The following ACACB variants were observed in gnomAD, a reference collection of about 807,000 sequenced individuals.
ACACB encodes acetyl-CoA carboxylase beta.
Under a neutral mutation model 278.8 loss-of-function variants are expected in ACACB, and 209 were observed. That is an observed-to-expected ratio of 0.75 (90% CI 0.67 to 0.84). The LOEUF (loss-of-function observed/expected upper bound fraction) is 0.84. ACACB is among the 40% of genes least tolerant of loss of function. ACACB has a pLI of 0.00. For synonymous variants in ACACB, 1,174 were observed against 1,285.6 expected (o/e 0.91, Z 1.86); for missense variants, 2,850 against 3,269.0 (o/e 0.87, Z 3.13).
intron 17 of ACACB, 152 bp downstream of exon 17, chr12:109,197,305 T>A: frequency 9.9e-7 from 1 of 1,014,340 alleles, no homozygotes; most frequent in Non-Finnish European, 1.4e-6. Context: ...GAAGTTAATC[T>A]CTTGGTTGGA....
At chr12:109,232,889 C>A in intron 29 of ACACB, 83 bp downstream of exon 29, 1 of 1,541,148 alleles carries the variant, frequency 6.5e-7, no homozygotes, top group South Asian at 1.2e-5. Context: ...ATTCACTGGA[C>A]AGATGGGGTG....
chr12:109,222,740 C>CTCTGCCT, intron 25 of ACACB, 59 bp from the exon 26 acceptor site: 2 of 1,559,102 alleles, frequency 1.3e-6, no homozygotes, highest in Non-Finnish European at 1.8e-6. Context: ...GTGCCCGAGC[C>CTCTGCCT]TCTGCCTTCT....
At chr12:109,200,915 C>T (rs560097972) in intron 18 of ACACB, among the ~76,000 whole-genome samples, 48 of 152,250 alleles carry the variant, frequency 3.2e-4, no homozygotes, top group African/African-American at 1.1e-3. Context: ...AACTGAGGCT[C>T]AAGGAGGGGA....
rs778724015 is a variant in ACACB at position 109,265,856 on chromosome 12, C to T, written c.7250+331C>T. ...CAGAACCCACATTTGGAACCGCTAG[C>T]CTTCAGGCTGCTGTCTTCCACGCCA... is the stretch of plus-strand genomic sequence containing the variant. On this transcript the variant is annotated intron_variant, in intron 52 of 52. Transcript: ENST00000338432. 1.3e-3 allele frequency among the ~76,000 whole-genome samples: 192 copies of T among 152,390 alleles called. 1 individual carries two copies. Among genetic ancestry groups the T allele is most frequent in the African/African-American group, 4.2e-3 (173 of 41,598 alleles).
At chr12:109,238,728 G>C (rs2046710980) in intron 34 of ACACB, among the ~76,000 whole-genome samples, 1 of 151,418 alleles carries the variant, frequency 6.6e-6, no homozygotes, top group African/African-American at 2.4e-5. Context: ...ACCATGCCCA[G>C]CTAATTTTGT....
intron 1 of ACACB, among the ~76,000 whole-genome samples, chr12:109,129,337 T>C (rs2042763135): frequency 6.6e-6 from 1 of 152,140 alleles, no homozygotes; most frequent in Non-Finnish European, 1.5e-5. Flanking sequence ...TTTTCTCGCC[T>C]GTGAAAGGAG....
rs558282480 is a variant in ACACB, at chr12:109,196,885, C to T, written c.2482-123C>T. On this transcript the variant is annotated intron_variant, in intron 16 of 52. Transcript: ENST00000338432. ...AATTGTGAGGGCTGGGTCCGAGAGA[C>T]GGGGGTGTTCATCTTGGCCCTCTGT... is the stretch of plus-strand genomic sequence containing the variant. The T allele has an allele frequency of 6.6e-5, 76 of 1,153,338 alleles. No homozygotes were observed. The Middle Eastern group carries it at 8.9e-4, about 13-fold the overall frequency. The allele number at this position is 1,153,338 out of a possible 1,614,324, so 71.4% of individuals were successfully genotyped here.
intron 1 of ACACB, among the ~76,000 whole-genome samples, chr12:109,137,944 G>T (rs2043009443): frequency 6.6e-6 from 1 of 151,628 alleles, no homozygotes; most frequent in South Asian, 2.1e-4. Context: ...TGTTGCCCGG[G>T]CTGGAATGCA....
intron 22 of ACACB, among the ~76,000 whole-genome samples, chr12:109,213,526 G>T (rs1300365261): frequency 6.6e-6 from 1 of 152,184 alleles, no homozygotes; most frequent in African/African-American, 2.4e-5. Context: ...ATGAATAATT[G>T]TATTTCATCT....
At chr12:109,162,900 C>A (rs1245893040) in intron 2 of ACACB, among the ~76,000 whole-genome samples, 1 of 152,124 alleles carries the variant, frequency 6.6e-6, no homozygotes, top group East Asian at 1.9e-4. Context: ...ACCAAGGCTT[C>A]CCTGACATTT....
chr12:109,253,169 C>A lies in ACACB; in HGVS notation c.6045+11C>A. On this transcript the variant is annotated intron_variant, in intron 43 of 52. Transcript: ENST00000338432. ...TCCTATATGCCAAAGGTGCAGTACT[C>A]CCCCTGCAGCTTAGAACCTGGAAGA... 6.5e-7 allele frequency: 1 copy of A among 1,538,106 alleles called. No individual in the cohort carries two copies. Among genetic ancestry groups the A allele is most frequent in the African/African-American group, 1.4e-5 (1 of 73,584 alleles).
At chr12:109,235,458 G>T in intron 32 of ACACB, 89 bp downstream of exon 32, 1 of 1,474,468 alleles carries the variant, frequency 6.8e-7, no homozygotes, top group Non-Finnish European at 9.5e-7. Context: ...GTAGATTTGG[G>T]TGAAAGAGAT....
Position 109,204,218 on chromosome 12 carries a change from C to T in ACACB, c.2914-2492C>T, listed in dbSNP as rs575052199. 7.3e-5 allele frequency among the ~76,000 whole-genome samples: 11 copies of T among 150,580 alleles called. No homozygotes were observed. In the South Asian group the frequency reaches 1.7e-3, roughly 23 times the overall value. ...ACTCTTTTGGTTAGTTTAAAATGTA[C>T]AGTCGATTTTAATTGACTGTAGAGT... On this transcript the variant is annotated intron_variant, in intron 19 of 52. Transcript: ENST00000338432.
chr12:109,157,095 C>G (rs2043565207), intron 2 of ACACB, among the ~76,000 whole-genome samples: 1 of 151,856 alleles, frequency 6.6e-6, no homozygotes. Context: ...TATGGACATA[C>G]TTTGTTGGGG....
At chr12:109,203,560 C>T (rs912597418) in intron 19 of ACACB, among the ~76,000 whole-genome samples, 16 of 149,556 alleles carry the variant, frequency 1.1e-4, no homozygotes, top group Non-Finnish European at 1.8e-4. Flanking sequence ...CTTTCTTGCT[C>T]GCTGCTGGGG....
At chr12:109,179,657 T>A (rs11065768) in intron 10 of ACACB, among the ~76,000 whole-genome samples, 1,798 of 151,874 alleles carry the variant, frequency 0.012, 33 homozygotes, top group African/African-American at 0.039. Flanking sequence ...TGGCTAATTT[T>A]AAAAAAAAAT....
intron 2 of ACACB, among the ~76,000 whole-genome samples, chr12:109,153,537 C>T (rs568837472): frequency 2.6e-5 from 4 of 152,280 alleles, no homozygotes; most frequent in Admixed American, 2.0e-4. Context: ...TACTGGCCAG[C>T]ATTTACATTA....
At chr12:109,249,038 A>G (rs528853462) in intron 40 of ACACB, 2 of 152,370 alleles carry the variant, frequency 1.3e-5, no homozygotes, top group African/African-American at 4.8e-5. Context: ...ACCAAAAAGT[A>G]TCTGAGACAG....
chr12:109,203,287 C>G (rs1057434126), intron 19 of ACACB, among the ~76,000 whole-genome samples: 1 of 152,180 alleles, frequency 6.6e-6, no homozygotes, highest in Non-Finnish European at 1.5e-5. Flanking sequence ...TTGTTTCTAC[C>G]TGTTGGCTAC....
Sources: gnomAD v4.1 joint callset for allele counts (sites outside exome capture counted in the v4.1 genomes callset) on GRCh38, gnomAD v4.1.1 for gene constraint, MANE v1.5 for transcripts, NCBI Gene and HGNC (gene_info 2026-07-23, HGNC 2026-07-21) for gene names.